The following ZNF423 variants were observed in gnomAD, a reference collection of about 807,000 sequenced individuals.
ZNF423 encodes the protein Ebf-associated zinc finger protein.
In ZNF423, 12 loss-of-function variants were observed where a neutral mutation model predicts 95.8. The ratio of observed to expected loss-of-function variants is 0.13; its 90% CI spans 0.08 to 0.20. The LOEUF is 0.20. Among genes scored for constraint, ZNF423 ranks in the 10% least tolerant of loss-of-function variants. ZNF423 has a pLI of 1.00. For synonymous variants in ZNF423, 749 were observed against 711.9 expected, an observed-to-expected ratio of 1.05 and a Z score of -0.83; for missense variants, 1,316 against 1,737.1, an observed-to-expected ratio of 0.76 and a Z score of 4.31.
intron 3 of ZNF423, among the ~76,000 whole-genome samples, chr16:49,705,531 C>G (rs1306635969): frequency 1.3e-5 from 2 of 152,132 alleles, no homozygotes; most frequent in African/African-American, 4.8e-5. Context: ...AGACCTTCCA[C>G]AGTGAGTTTA....
chr16:49,706,566 C>A (rs1170867168), intron 3 of ZNF423, among the ~76,000 whole-genome samples: 1 of 152,250 alleles, frequency 6.6e-6, no homozygotes, highest in Non-Finnish European at 1.5e-5. Context: ...CTTCCAGCCA[C>A]TGGTGGGATG....
At chr16:49,818,167 C>T (rs990134716) in intron 1 of ZNF423, among the ~76,000 whole-genome samples, 1 of 152,036 alleles carries the variant, frequency 6.6e-6, no homozygotes, top group Non-Finnish European at 1.5e-5. Flanking sequence ...CTTGATGCAC[C>T]GCCCCCCAGA....
At chr16:49,627,697 A>G (rs1282059063) in intron 4 of ZNF423, among the ~76,000 whole-genome samples, 2 of 148,124 alleles carry the variant, frequency 1.4e-5, no homozygotes, top group Non-Finnish European at 3.0e-5. Context: ...TCCATCCTCC[A>G]TCTACCCATC....
At chr16:49,553,159 C>T (rs1033318443) in intron 5 of ZNF423, among the ~76,000 whole-genome samples, 6 of 152,078 alleles carry the variant, frequency 3.9e-5, no homozygotes, top group Non-Finnish European at 8.8e-5. Context: ...CTCAAATCTG[C>T]ATGAAGTCAC....
At chr16:49,547,037 G>A (rs1295365914) in intron 5 of ZNF423, among the ~76,000 whole-genome samples, 1 of 150,702 alleles carries the variant, frequency 6.6e-6, no homozygotes, top group African/African-American at 2.4e-5. Context: ...CAATCAGCCA[G>A]CTTTCCCACA....
At chr16:49,652,188 A>G (rs1005685469) in intron 3 of ZNF423, among the ~76,000 whole-genome samples, 1 of 150,470 alleles carries the variant, frequency 6.6e-6, no homozygotes, top group Non-Finnish European at 1.5e-5. Context: ...GCTGCTGGAC[A>G]TGCAGGGCAA....
At chr16:49,749,625 C>A (rs1194082078) in intron 2 of ZNF423, among the ~76,000 whole-genome samples, 2 of 152,204 alleles carry the variant, frequency 1.3e-5, no homozygotes, top group Non-Finnish European at 2.9e-5. Flanking sequence ...TGGGATCCTG[C>A]GCCACACGCT....
chr16:49,685,092 G>A lies in ZNF423; in HGVS notation c.301+45679C>T, dbSNP rs1025070196. 9.9e-5 allele frequency among the ~76,000 whole-genome samples: 15 copies of A among 152,192 alleles called. No homozygotes were observed. In the South Asian group the frequency reaches 1.9e-3, roughly 19 times the overall value. ...GCCCCCATCTGGGGCCATAACAAGC[G>A]GGCATCCGGCAGCCCAGCCAGGCAC... is the stretch of plus-strand genomic sequence containing the variant. On this transcript the variant is annotated intron_variant, in intron 3 of 7. Transcript: ENST00000563137.
chr16:49,751,388 G>T (rs375747790), intron 2 of ZNF423, among the ~76,000 whole-genome samples: 14 of 152,154 alleles, frequency 9.2e-5, no homozygotes, highest in African/African-American at 3.4e-4. Flanking sequence ...AAAATCTGTT[G>T]TAGAGATGAA....
intron 7 of ZNF423, among the ~76,000 whole-genome samples, chr16:49,502,853 G>A (rs1241083497): frequency 7.5e-5 from 4 of 53,322 alleles, no homozygotes; most frequent in South Asian, 6.6e-4. Context: ...CCCCACACAC[G>A]GATACCCCCC....
chr16:49,600,046 C>T (rs946803530), intron 5 of ZNF423, among the ~76,000 whole-genome samples: 3 of 151,644 alleles, frequency 2.0e-5, no homozygotes, highest in South Asian at 4.2e-4. Flanking sequence ...AGAGGCCGGG[C>T]GTGGTGGCTC....
chr16:49,768,834 T>G (rs1485295485), intron 2 of ZNF423, among the ~76,000 whole-genome samples: 4 of 152,100 alleles, frequency 2.6e-5, no homozygotes, highest in Non-Finnish European at 5.9e-5. Flanking sequence ...CACGTTCAAG[T>G]ACCCCCTCAA....
At chr16:49,659,736 G>A (rs1017690997) in intron 3 of ZNF423, among the ~76,000 whole-genome samples, 6 of 152,204 alleles carry the variant, frequency 3.9e-5, no homozygotes, top group Admixed American at 3.9e-4. Context: ...GGTGCCCACC[G>A]CTGCAGGCAC....
intron 3 of ZNF423, among the ~76,000 whole-genome samples, chr16:49,639,276 C>T (rs376845078): frequency 1.3e-5 from 2 of 152,004 alleles, no homozygotes; most frequent in South Asian, 4.2e-4. Flanking sequence ...TCACTTGATC[C>T]ACACCTGGGA....
chr16:49,649,234 C>G (rs947900946), intron 3 of ZNF423, among the ~76,000 whole-genome samples: 1 of 152,158 alleles, frequency 6.6e-6, no homozygotes, highest in Non-Finnish European at 1.5e-5. Flanking sequence ...TGGATGAGAT[C>G]ACTACTGGAC....
intron 3 of ZNF423, among the ~76,000 whole-genome samples, chr16:49,687,187 G>A (rs1409096154): frequency 6.6e-6 from 1 of 151,744 alleles, no homozygotes; most frequent in Middle Eastern, 3.2e-3. Context: ...GGCCTCCCAG[G>A]GCGCCACCAA....
Position 49,823,649 on chromosome 16 carries a change from A to G in ZNF423, c.40+32086T>C, listed in dbSNP as rs532784118. ...GAAAAAAGTTATAACTTGTTGGGGG[A>G]AAAAAAAAGGAGAAGAAGGAGGCAG... On this transcript the variant is annotated intron_variant, in intron 1 of 7. Transcript: ENST00000563137. Among the ~76,000 whole-genome samples, 50 of 151,584 alleles carry G rather than the reference A, an allele frequency of 3.3e-4. 1 individual carries two copies. Among genetic ancestry groups the G allele is most frequent in the Admixed American group, 5.9e-4 (9 of 15,212 alleles).
intron 5 of ZNF423, among the ~76,000 whole-genome samples, chr16:49,550,642 C>T (rs1969599269): frequency 6.6e-6 from 1 of 152,262 alleles, no homozygotes; most frequent in Non-Finnish European, 1.5e-5. Flanking sequence ...TTTCTAACCA[C>T]ACTGGGGATA....
chr16:49,812,613 T>C (rs943181527), intron 1 of ZNF423, among the ~76,000 whole-genome samples: 6 of 152,182 alleles, frequency 3.9e-5, no homozygotes, highest in Non-Finnish European at 8.8e-5. Context: ...CTGTGAGTTC[T>C]AGGTTGTAGT....
Sources: allele counts gnomAD v4.1 joint callset (sites outside exome capture counted in the v4.1 genomes callset), GRCh38; gene constraint gnomAD v4.1.1; transcripts MANE v1.5; gene names NCBI Gene and HGNC (gene_info 2026-07-23, HGNC 2026-07-21).